The following CTDP1 variants were observed in gnomAD, a reference collection of about 807,000 sequenced individuals.
CTDP1 encodes the protein CTD phosphatase 1, also known as RNA polymerase II subunit A C-terminal domain phosphatase.
A neutral mutation model predicts 91.8 loss-of-function variants in CTDP1; 47 were observed. The ratio of observed to expected loss-of-function variants is 0.51; its 90% CI spans 0.41 to 0.65. The LOEUF (loss-of-function observed/expected upper bound fraction) is 0.65. Among genes scored for constraint, CTDP1 ranks in the 30% least tolerant of loss-of-function variants. CTDP1 has a pLI of 0.00. For missense variants in CTDP1, 1,272 were observed against 1,373.7 expected (o/e 0.93, Z 1.17); for synonymous variants, 656 against 598.5 (o/e 1.10, Z -1.40).
rs768042104 is a variant in CTDP1 at position 79,715,204 on chromosome 18, G to A, written c.1744G>A (p.Glu582Lys). The A allele has an allele frequency of 6.2e-7, 1 of 1,611,980 alleles. No individual in the cohort carries two copies. The highest frequency in any genetic ancestry group is 1.1e-5 in the South Asian group (1 of 90,588). ...LDQSMEEEEE[E>K]DTDEDDHLIY... ...CCAGAGCATGGAGGAGGAGGAGGAG[G>A]AGGACACGGATGAGGATGACCACCT... Residue 582 changes from glutamate to lysine, a missense_variant, in exon 8 of 13, where the codon GAG becomes AAG. Physicochemically the swap from Glu to Lys is moderately conservative, Grantham distance 56. Transcript: ENST00000613122.
At chr18:79,702,601 T>C (rs2085883356) in intron 4 of CTDP1, 1 of 152,246 alleles carries the variant, frequency 6.6e-6, no homozygotes. Context: ...CTCGAACTCC[T>C]GACCTCAAGT....
intron 1 of CTDP1, among the ~76,000 whole-genome samples, chr18:79,680,696 C>G (rs2085345340): frequency 2.0e-5 from 3 of 152,332 alleles, no homozygotes; most frequent in Admixed American, 6.5e-5. Flanking sequence ...TTGTGAAACG[C>G]AGTTGTAAAA....
chr18:79,687,557 G>A lies in CTDP1; in HGVS notation c.314+7296G>A, dbSNP rs540854704. On this transcript the variant is annotated intron_variant, in intron 1 of 12. Coordinates refer to ENST00000613122, the MANE Select transcript of CTDP1 (RefSeq NM_004715.5). ...TCCAGTTCACTGGTGGGCCTGCACC[G>A]CAGCAGTTGGCTTCTCCAGTTCACT... 1.1e-4 allele frequency among the ~76,000 whole-genome samples: 16 copies of A among 150,042 alleles called. No individual in the cohort carries two copies. In the South Asian group the frequency reaches 1.5e-3, roughly 14 times the overall value.
chr18:79,704,927 G>C lies in CTDP1; in HGVS notation c.772+10G>C. 4 of 1,612,976 alleles carry C rather than the reference G, an allele frequency of 2.5e-6. No homozygotes were observed. In the South Asian group the frequency reaches 4.4e-5, roughly 18 times the overall value. On this transcript the variant is annotated intron_variant, in intron 5 of 12. Transcript: ENST00000613122. ...GCACACACCATCGCAGGTCAGTCAAGCCGCAGCCGAAGAGGCCGTGTGAAC... is the reference window on the plus strand; with the variant it reads ...GCACACACCATCGCAGGTCAGTCAACCCGCAGCCGAAGAGGCCGTGTGAAC...
At chr18:79,753,551 G>C (rs1026253647) in intron 12 of CTDP1, 101 bp from the exon 13 acceptor site, 2 of 1,575,016 alleles carry the variant, frequency 1.3e-6, no homozygotes, top group East Asian at 2.3e-5. Flanking sequence ...GTGCCGTCTT[G>C]TGTTAAAACC....
intron 12 of CTDP1, among the ~76,000 whole-genome samples, chr18:79,751,751 G>A (rs1401684360): frequency 6.6e-6 from 1 of 152,196 alleles, no homozygotes; most frequent in Non-Finnish European, 1.5e-5. Flanking sequence ...TGAGCCTCGA[G>A]TGCATGTGTG....
At chr18:79,745,070 T>G (rs2086852587) in intron 12 of CTDP1, among the ~76,000 whole-genome samples, 1 of 151,928 alleles carries the variant, frequency 6.6e-6, no homozygotes, top group Non-Finnish European at 1.5e-5. Context: ...GTCCTGAGAG[T>G]GGGGTGGGGA....
At chr18:79,736,201 A>G in intron 11 of CTDP1, 154 bp from the exon 12 acceptor site, 1 of 938,324 alleles carries the variant, frequency 1.1e-6, no homozygotes, top group Non-Finnish European at 1.7e-6. Flanking sequence ...GGATTGGTTG[A>G]GTTTCAAGCC....
chr18:79,752,094 A>G (rs1458715680), intron 12 of CTDP1, among the ~76,000 whole-genome samples: 2 of 152,248 alleles, frequency 1.3e-5, no homozygotes, highest in Admixed American at 1.3e-4. Context: ...AGGTGGTTGG[A>G]ATTTCAGGGC....
At position 79,717,990 on chromosome 18, in the gene CTDP1, C is replaced by T; in HGVS notation, c.2391C>T (p.Pro797=). 6.2e-7 allele frequency: 1 copy of T among 1,613,450 alleles called. No homozygotes were observed. The highest frequency in any genetic ancestry group is 1.3e-5 in the African/African-American group (1 of 75,076). The change falls in exon 10 of 13, where the codon CCC becomes CCT. Residue 797 remains proline, a synonymous_variant. Coordinates refer to ENST00000613122, the MANE Select transcript of CTDP1 (RefSeq NM_004715.5). ...CCCCAGCACCCTCCAGCTCCCTACC[C>T]ATCCGCCAGGAGCCCTCTTCCTTCA... ...RGPPAPSSSL[P]IRQEPSSFRA...
intron 10 of CTDP1, among the ~76,000 whole-genome samples, chr18:79,721,228 G>T (rs2086339186): frequency 6.6e-6 from 1 of 152,176 alleles, no homozygotes; most frequent in African/African-American, 2.4e-5. Context: ...TAACACCAGG[G>T]CTTAGTGCTT....
In CTDP1 at chr18:79,679,902, C is replaced by A. The variant is rs1314275469; in HGVS notation, c.-46C>A. 7.4e-7 allele frequency: 1 copy of A among 1,346,142 alleles called. No individual in the cohort carries two copies. The highest frequency in any genetic ancestry group is 9.6e-7 in the Non-Finnish European group (1 of 1,046,578). 83.4% of individuals were successfully genotyped at this position (1,346,142 alleles called of 1,614,324 possible). On this transcript the variant is annotated 5_prime_UTR_variant, in exon 1 of 13. Transcript: ENST00000613122. ...GCCGCGGTAGGCGCTGCGCTCTGAGCGCAGCGCAGGCCCCGTACCGACCGC... is the reference window on the plus strand; with the variant it reads ...GCCGCGGTAGGCGCTGCGCTCTGAGAGCAGCGCAGGCCCCGTACCGACCGC...
chr18:79,680,330 G>A, intron 1 of CTDP1, 69 bp downstream of exon 1: 1 of 1,197,862 alleles, frequency 8.3e-7, no homozygotes, highest in Non-Finnish European at 1.0e-6. Context: ...GGACCCCCGG[G>A]CTGCTGCGTC....
At chr18:79,727,420 C>T (rs2086472873) in intron 10 of CTDP1, among the ~76,000 whole-genome samples, 1 of 150,906 alleles carries the variant, frequency 6.6e-6, no homozygotes, top group African/African-American at 2.4e-5. Flanking sequence ...GGAAGCGCAG[C>T]GTTCGTGGGG....
chr18:79,737,473 A>G (rs544178417), intron 12 of CTDP1, among the ~76,000 whole-genome samples: 5 of 152,274 alleles, frequency 3.3e-5, no homozygotes, highest in African/African-American at 2.4e-5. Context: ...GTCCCATCGC[A>G]GTTTCTGACA....
At chr18:79,702,225 C>T (rs1364319844) in intron 4 of CTDP1, among the ~76,000 whole-genome samples, 1 of 152,180 alleles carries the variant, frequency 6.6e-6, no homozygotes, top group African/African-American at 2.4e-5. Flanking sequence ...GAAATCATCA[C>T]AGCCACCCCC....
At chr18:79,732,976 C>T (rs1023627026) in intron 11 of CTDP1, among the ~76,000 whole-genome samples, 2 of 151,818 alleles carry the variant, frequency 1.3e-5, no homozygotes. Context: ...TGAGAACTCG[C>T]TAACGTGGAT....
intron 12 of CTDP1, among the ~76,000 whole-genome samples, chr18:79,739,841 G>A (rs1384329772): frequency 1.0e-5 from 1 of 99,292 alleles, no homozygotes; most frequent in South Asian, 4.5e-4. Context: ...CGGCCGGGAC[G>A]GGTGGGACTC....
chr18:79,742,434 A>G (rs1420406725), intron 12 of CTDP1, among the ~76,000 whole-genome samples: 1 of 152,228 alleles, frequency 6.6e-6, no homozygotes, highest in Non-Finnish European at 1.5e-5. Flanking sequence ...AACCTTTCAA[A>G]AACAAAGGCA....
Sources: allele counts gnomAD v4.1 joint callset (sites outside exome capture counted in the v4.1 genomes callset), GRCh38; gene constraint gnomAD v4.1.1; transcripts MANE v1.5; gene names NCBI Gene and HGNC (gene_info 2026-07-23, HGNC 2026-07-21).